Variants in NEXMIF observed in about 807,000 individuals in gnomAD.
The protein encoded by NEXMIF is XLMR protein related to neurite extension.
NEXMIF carries 8 observed loss-of-function variants against 62.1 expected under a neutral mutation model. The observed-to-expected ratio is 0.13, with a 90% confidence interval of 0.08 to 0.23. NEXMIF has a LOEUF of 0.23. Among genes scored for constraint, NEXMIF ranks in the 10% least tolerant of loss-of-function variants. The pLI is 1.00. For synonymous variants in NEXMIF, 404 were observed against 416.6 expected (o/e 0.97, Z 0.37); for missense variants, 976 against 1,113.3 (o/e 0.88, Z 1.75).
chrX:74,873,753 C>T (rs913123210), intron 1 of NEXMIF, among the ~76,000 whole-genome samples: 6 of 112,223 alleles, frequency 5.3e-5, no homozygotes, highest in African/African-American at 1.9e-4. Flanking sequence ...TGATGATGAG[C>T]ATTTTTTCAT....
intron 1 of NEXMIF, among the ~76,000 whole-genome samples, chrX:74,818,855 CTCAACATCACTAATCA>C (rs1359423294): frequency 8.9e-6 from 1 of 111,798 alleles, no homozygotes; most frequent in Non-Finnish European, 1.9e-5. Context: ...TGAAAAAATG[CTCAACATCACTAATCA>C]TTAGAGAAAT....
At chrX:74,752,896 C>G (rs1365649140) in intron 1 of NEXMIF, among the ~76,000 whole-genome samples, 2 of 111,548 alleles carry the variant, frequency 1.8e-5, no homozygotes, top group Non-Finnish European at 3.8e-5. Flanking sequence ...TTTCTAAAGA[C>G]AGTCACTTTC....
chrX:74,852,326 T>G (rs1602251140), intron 1 of NEXMIF, among the ~76,000 whole-genome samples: 2 of 111,554 alleles, frequency 1.8e-5, no homozygotes, highest in Admixed American at 1.9e-4. Flanking sequence ...AAAGCAAATA[T>G]TTTTAGATCT....
rs985465499 is a variant in NEXMIF, at chrX:74,737,617, G to A, written c.*1788C>T. On this transcript the variant is annotated 3_prime_UTR_variant, in exon 4 of 4. Transcript: ENST00000055682. ...TAAGGAATAGAGCAGGCTGGTGAAA[G>A]GAATCATGGACCGGGAAGTGTATAT... The A allele has an allele frequency of 9.0e-6, 1 of 111,413 alleles. No homozygotes were observed. Among genetic ancestry groups the A allele is most frequent in the Non-Finnish European group, 1.9e-5 (1 of 52,989 alleles). 9.2% of individuals were successfully genotyped at this position (111,413 alleles called of 1,213,427 possible). A position where few individuals can be genotyped will look rare whatever the true frequency, so the allele number is the denominator to read the frequency against.
chrX:74,815,143 AG>A (rs914249183), intron 1 of NEXMIF, among the ~76,000 whole-genome samples: 10 of 112,461 alleles, frequency 8.9e-5, no homozygotes, highest in African/African-American at 1.9e-4. Context: ...TACATTATTT[AG>A]ATTAATTTTC....
intron 1 of NEXMIF, among the ~76,000 whole-genome samples, chrX:74,800,961 C>T (rs2080327880): frequency 1.8e-5 from 2 of 111,177 alleles, no homozygotes; most frequent in South Asian, 7.6e-4. Flanking sequence ...GCTCTGTGCT[C>T]CACCTACTCA....
At chrX:74,753,702 TACAC>T (rs959407700) in intron 1 of NEXMIF, among the ~76,000 whole-genome samples, 1 of 95,076 alleles carries the variant, frequency 1.1e-5, no homozygotes, top group Non-Finnish European at 2.0e-5. Flanking sequence ...ATTTCCTCCT[TACAC>T]ACACACACGC....
chrX:74,900,171 T>C (rs958850121), intron 1 of NEXMIF, among the ~76,000 whole-genome samples: 3 of 110,918 alleles, frequency 2.7e-5, no homozygotes, highest in African/African-American at 9.8e-5. Context: ...ATGGCTACTA[T>C]TGAAAAAACA....
At chrX:74,886,233 T>C (rs1445701275) in intron 1 of NEXMIF, among the ~76,000 whole-genome samples, 1 of 111,805 alleles carries the variant, frequency 8.9e-6, no homozygotes, top group Non-Finnish European at 1.9e-5. Context: ...CTTTGAAAAC[T>C]GGCACAAGAC....
intron 1 of NEXMIF, among the ~76,000 whole-genome samples, chrX:74,866,818 C>T (rs762557071): frequency 3.1e-4 from 35 of 112,803 alleles, no homozygotes; most frequent in African/African-American, 1.0e-3. Context: ...TCACCTTCCG[C>T]CATGATTGTG....
chrX:74,792,601 TG>T (rs2080288545), intron 1 of NEXMIF, among the ~76,000 whole-genome samples: 1 of 77,436 alleles, frequency 1.3e-5, no homozygotes, highest in Admixed American at 1.6e-4. Flanking sequence ...TATTAATGTG[TG>T]GGAGTCTAAG....
intron 1 of NEXMIF, among the ~76,000 whole-genome samples, chrX:74,880,498 G>A (rs4892527): frequency 1.1e-4 from 12 of 111,429 alleles, no homozygotes; most frequent in Admixed American, 2.9e-4. Flanking sequence ...CATTACAAAC[G>A]TTACAATTCT....
At chrX:74,840,394 A>G (rs2080470163) in intron 1 of NEXMIF, among the ~76,000 whole-genome samples, 1 of 111,786 alleles carries the variant, frequency 8.9e-6, no homozygotes, top group South Asian at 3.7e-4. Flanking sequence ...AAATAAAGGG[A>G]AAAACATCCC....
At chrX:74,761,952 ATTTCTTTCTTTC>A (rs373014429) in intron 1 of NEXMIF, among the ~76,000 whole-genome samples, 1 of 109,626 alleles carries the variant, frequency 9.1e-6, no homozygotes, top group Non-Finnish European at 1.9e-5. Flanking sequence ...TTCTGCCTCA[ATTTCTTTCTTTC>A]TTTCTTTCTT....
intron 1 of NEXMIF, among the ~76,000 whole-genome samples, chrX:74,781,078 C>T (rs778472740): frequency 6.4e-4 from 72 of 112,321 alleles, no homozygotes; most frequent in Non-Finnish European, 9.9e-4. Flanking sequence ...ATGGTCCTTC[C>T]ATTATTCCAC....
At chrX:74,767,308 C>T (rs2080197782) in intron 1 of NEXMIF, among the ~76,000 whole-genome samples, 1 of 112,689 alleles carries the variant, frequency 8.9e-6, no homozygotes, top group Non-Finnish European at 1.9e-5. Context: ...TCCCTAATCA[C>T]TTCAGATTTT....
At chrX:74,919,260 T>C (rs1739531224) in intron 1 of NEXMIF, among the ~76,000 whole-genome samples, 1 of 111,828 alleles carries the variant, frequency 8.9e-6, no homozygotes, top group African/African-American at 3.3e-5. Flanking sequence ...TTGGAGCCAA[T>C]AATCCAATTC....
chrX:74,751,482 GTCTC>G (rs1362539055), intron 1 of NEXMIF, among the ~76,000 whole-genome samples: 6 of 107,603 alleles, frequency 5.6e-5, no homozygotes, highest in Admixed American at 3.0e-4. Flanking sequence ...TCTTCTCTCT[GTCTC>G]TCTCTCTTTT....
At chrX:74,819,902 G>T in intron 1 of NEXMIF, among the ~76,000 whole-genome samples, 1 of 111,798 alleles carries the variant, frequency 8.9e-6, no homozygotes, top group South Asian at 3.8e-4. Flanking sequence ...GTTTATTGCG[G>T]CACTGTTCAC....
Sources: gnomAD v4.1 joint callset for allele counts (sites outside exome capture counted in the v4.1 genomes callset) on GRCh38, gnomAD v4.1.1 for gene constraint, MANE v1.5 for transcripts, NCBI Gene and HGNC (gene_info 2026-07-23, HGNC 2026-07-21) for gene names.